The following TENM1 variants were observed in gnomAD, a reference collection of about 807,000 sequenced individuals.
TENM1 encodes the protein teneurin-1.
TENM1 carries 35 observed loss-of-function variants against 174.8 expected under a neutral mutation model. That is an observed-to-expected ratio of 0.20 (90% confidence interval 0.15 to 0.27). TENM1 has a LOEUF of 0.27. TENM1 is among the 10% of genes least tolerant of loss of function. The pLI, the probability that TENM1 is intolerant of heterozygous loss-of-function variation, is 1.00. For missense variants in TENM1, 1,633 were observed against 2,130.1 expected (o/e 0.77, Z 4.59); for synonymous variants, 781 against 798.7 (o/e 0.98, Z 0.37).
rs773391514 is a variant in TENM1 at position 124,957,931 on chromosome X, C to A, written c.217+5606G>T. On this transcript the variant is annotated intron_variant, in intron 1 of 31. Transcript: ENST00000422452. ...TAAAATTATTGGCCAATTCACACAA[C>A]TAAAATTATTACCCTTGGTATATAT... Among the ~76,000 whole-genome samples the A allele has an allele frequency of 2.7e-5, 3 of 111,660 alleles. No individual in the cohort carries two copies. In the East Asian group the frequency reaches 8.4e-4, roughly 31 times the overall value.
At chrX:125,103,815 A>G in the TENM1 span, among the ~76,000 whole-genome samples, 7 of 111,720 alleles carry the variant, frequency 6.3e-5, no homozygotes, top group Non-Finnish European at 1.3e-4. Flanking sequence ...GTGAAAACCC[A>G]TCTTTACTAA....
chrX:125,031,222 T>C, the TENM1 span, among the ~76,000 whole-genome samples: 1 of 111,399 alleles, frequency 9.0e-6, no homozygotes, highest in African/African-American at 3.3e-5. Context: ...TGGTTTTCTG[T>C]TCCTCCATTA....
intron 20 of TENM1, among the ~76,000 whole-genome samples, chrX:124,495,501 G>A: frequency 9.1e-6 from 1 of 109,761 alleles, no homozygotes; most frequent in Non-Finnish European, 1.9e-5. Flanking sequence ...TTGCTGTGCA[G>A]AAGCTCTGTA....
At chrX:125,090,743 A>G in the TENM1 span, among the ~76,000 whole-genome samples, 1 of 111,372 alleles carries the variant, frequency 9.0e-6, no homozygotes, top group South Asian at 3.8e-4. Context: ...TATGGAGGCA[A>G]TATTTCAAGT....
At chrX:125,060,016 C>A in the TENM1 span, among the ~76,000 whole-genome samples, 6 of 109,947 alleles carry the variant, frequency 5.5e-5, no homozygotes, top group African/African-American at 2.0e-4. Context: ...AAAATCCTAC[C>A]TTCAGATTGC....
chrX:125,187,527 T>C, the TENM1 span, among the ~76,000 whole-genome samples: 9 of 111,640 alleles, frequency 8.1e-5, no homozygotes, highest in African/African-American at 2.9e-4. Flanking sequence ...AATCAAGGAT[T>C]TATTTATGTG....
the TENM1 span, among the ~76,000 whole-genome samples, chrX:125,156,264 A>C: frequency 8.9e-6 from 1 of 111,741 alleles, no homozygotes; most frequent in Non-Finnish European, 1.9e-5. Flanking sequence ...GTTTTTAAAA[A>C]GCTTTTATTT....
intron 25 of TENM1, among the ~76,000 whole-genome samples, chrX:124,411,500 T>C (rs1212084447): frequency 1.8e-5 from 2 of 111,721 alleles, no homozygotes; most frequent in African/African-American, 6.5e-5. Context: ...AATGAAAGTG[T>C]ACATTTGACT....
chrX:124,734,472 A>AAATT (rs1243474081), intron 4 of TENM1, among the ~76,000 whole-genome samples: 77 of 110,521 alleles, frequency 7.0e-4, no homozygotes, highest in African/African-American at 2.4e-3. Flanking sequence ...ATAAATAAAT[A>AAATT]AATAAATAAA....
chrX:124,998,342 A>G, the TENM1 span, among the ~76,000 whole-genome samples: 1 of 110,381 alleles, frequency 9.1e-6, no homozygotes, highest in Admixed American at 9.7e-5. Flanking sequence ...TTTCAAGAAA[A>G]GGAGTAAGCT....
the TENM1 span, among the ~76,000 whole-genome samples, chrX:125,041,890 A>G: frequency 9.0e-6 from 1 of 111,555 alleles, no homozygotes; most frequent in Non-Finnish European, 1.9e-5. Flanking sequence ...ATGGATAAAC[A>G]GTAAGAAAGA....
intron 3 of TENM1, among the ~76,000 whole-genome samples, chrX:124,863,403 G>C (rs998201318): frequency 1.8e-5 from 2 of 111,082 alleles, no homozygotes; most frequent in Non-Finnish European, 3.8e-5. Flanking sequence ...TAAAGGTTGA[G>C]TTCCAAGCCA....
chrX:124,729,747 T>C (rs2148537048), intron 4 of TENM1, among the ~76,000 whole-genome samples: 1 of 112,399 alleles, frequency 8.9e-6, no homozygotes, highest in East Asian at 2.8e-4. Flanking sequence ...ACAAGCTGTT[T>C]TGAAGATTGA....
At chrX:124,690,484 AGTGTGT>A (rs58386633) in intron 5 of TENM1, among the ~76,000 whole-genome samples, 5,739 of 93,349 alleles carry the variant, frequency 0.061, 156 homozygotes, top group East Asian at 0.16. Flanking sequence ...GCTTTGTTAG[AGTGTGT>A]GTGTGTGTGT....
At chrX:125,184,506 G>GAACT in the TENM1 span, among the ~76,000 whole-genome samples, 1 of 111,361 alleles carries the variant, frequency 9.0e-6, no homozygotes, top group South Asian at 3.7e-4. Flanking sequence ...AAGGCTAATA[G>GAACT]AACTACATGT....
chrX:124,584,533 A>T, intron 11 of TENM1, among the ~76,000 whole-genome samples: 1 of 111,504 alleles, frequency 9.0e-6, no homozygotes, highest in South Asian at 3.8e-4. Context: ...CTCCTGAAGG[A>T]AGCACTAAAC....
At chrX:125,143,746 C>T in the TENM1 span, among the ~76,000 whole-genome samples, 2 of 111,958 alleles carry the variant, frequency 1.8e-5, no homozygotes, top group Non-Finnish European at 3.8e-5. Context: ...GCATTTACTT[C>T]ATCTACCTTT....
At chrX:124,840,320 A>C (rs182314690) in intron 3 of TENM1, among the ~76,000 whole-genome samples, 15 of 111,770 alleles carry the variant, frequency 1.3e-4, no homozygotes, top group African/African-American at 3.9e-4. Context: ...TTCATAATGA[A>C]AATTCTGAAA....
rs141922958 is a variant in TENM1, at chrX:124,937,946, C to T, written c.217+25591G>A. ...ATTAATCTTGACATCATATTGCTTGCGTTGAAGATTGGTCTGAAGTGTTTC... is the reference window on the plus strand; with the variant it reads ...ATTAATCTTGACATCATATTGCTTGTGTTGAAGATTGGTCTGAAGTGTTTC... On this transcript the variant is annotated intron_variant, in intron 1 of 31. Coordinates refer to ENST00000422452, the Ensembl canonical transcript of TENM1. Among the ~76,000 whole-genome samples, 735 of 111,294 alleles carry T rather than the reference C, an allele frequency of 6.6e-3. 11 individuals are homozygous for T. The highest frequency in any genetic ancestry group is 0.023 in the African/African-American group (706 of 30,655).
Sources: gnomAD v4.1 joint callset for allele counts (sites outside exome capture counted in the v4.1 genomes callset) on GRCh38, gnomAD v4.1.1 for gene constraint, MANE v1.5 for transcripts, NCBI Gene and HGNC (gene_info 2026-07-23, HGNC 2026-07-21) for gene names.